Variants in UBP1 observed in about 807,000 individuals in gnomAD.
The protein encoded by UBP1 is upstream-binding protein 1.
In UBP1, 22 loss-of-function variants were observed where a neutral mutation model predicts 76.1. The ratio of observed to expected loss-of-function variants is 0.29; its 90% CI spans 0.21 to 0.41. The LOEUF (loss-of-function observed/expected upper bound fraction) is 0.41. UBP1 is among the 10% of genes least tolerant of loss of function. The pLI is 1.00. For missense variants in UBP1, 436 were observed against 668.1 expected (o/e 0.65, Z 3.83); for synonymous variants, 224 against 237.1 (o/e 0.94, Z 0.51).
Position 33,439,905 on chromosome 3 carries a change from C to A in UBP1, c.-57G>T. The A allele has an allele frequency of 6.3e-7, 1 of 1,594,662 alleles. No individual in the cohort carries two copies. The highest frequency in any genetic ancestry group is 1.1e-5 in the South Asian group (1 of 89,618). ...GGCCTCCGCGTCCAGGGCGAAGGAG[C>A]CGGAGCTCCGCTGGCGCGTCCTGGG... is the stretch of plus-strand genomic sequence containing the variant. On this transcript the variant is annotated 5_prime_UTR_variant, in exon 1 of 16. Transcript: ENST00000283629.
At chr3:33,396,601 T>C in intron 12 of UBP1, 4 of 404,974 alleles carry the variant, frequency 9.9e-6, no homozygotes, top group Middle Eastern at 4.5e-4. Flanking sequence ...ACCACAAGTA[T>C]AGAAAGAGCA....
At chr3:33,425,950 C>A (rs1159630887) in intron 1 of UBP1, among the ~76,000 whole-genome samples, 1 of 140,868 alleles carries the variant, frequency 7.1e-6, no homozygotes, top group African/African-American at 2.7e-5. Context: ...CATTAACAAC[C>A]CCTATCTCGG....
chr3:33,436,890 C>A (rs2045212719), intron 1 of UBP1, among the ~76,000 whole-genome samples: 1 of 152,150 alleles, frequency 6.6e-6, no homozygotes. Context: ...TCAGATAATG[C>A]ATTTACAGTA....
At chr3:33,431,721 C>G (rs531357425) in intron 1 of UBP1, among the ~76,000 whole-genome samples, 13 of 146,402 alleles carry the variant, frequency 8.9e-5, no homozygotes, top group African/African-American at 3.1e-4. Flanking sequence ...GCCTGGGCGA[C>G]AGAGTGAGAC....
In UBP1 at chr3:33,390,158, G is replaced by GTGACA; in HGVS notation, c.*168_*172dup. 1 of 643,506 alleles carries GTGACA rather than the reference G, an allele frequency of 1.6e-6. No individual in the cohort carries two copies. The highest frequency in any genetic ancestry group is 2.8e-5 in the East Asian group (1 of 35,986). 39.9% of individuals were successfully genotyped at this position (643,506 alleles called of 1,614,324 possible). A position where few individuals can be genotyped will look rare whatever the true frequency, so the allele number is the denominator to read the frequency against. ...CTCATGAGGATGCTTGGCTATGGCA[G>GTGACA]TGACAGTGAGGAGATTCACCTCTCA... On this transcript the variant is annotated 3_prime_UTR_variant, in exon 16 of 16. Transcript: ENST00000283629.
chr3:33,409,216 C>G lies in UBP1; in HGVS notation c.819+20G>C. On this transcript the variant is annotated intron_variant, in intron 7 of 15. Coordinates refer to ENST00000283629, the MANE Select transcript of UBP1 (RefSeq NM_014517.5). ...GCAACCTTTGCTTCTCTTCCAAAAC[C>G]AAATGCTTTACTACATTACCTCTGT... 6.2e-7 allele frequency: 1 copy of G among 1,610,846 alleles called. No homozygotes were observed. Among genetic ancestry groups the G allele is most frequent in the South Asian group, 1.1e-5 (1 of 90,654 alleles).
chr3:33,413,379 C>A (rs2044641254), intron 3 of UBP1, among the ~76,000 whole-genome samples: 1 of 151,230 alleles, frequency 6.6e-6, no homozygotes, highest in Admixed American at 6.6e-5. Context: ...AACCCCATCT[C>A]TACAAAAAAT....
Position 33,401,026 on chromosome 3 carries a change from A to G in UBP1, c.1032-10T>C, listed in dbSNP as rs112938927. ...TGGGGAAGAAGAATTGCTGGGGAGA[A>G]AGGAGAAAGAAGGAAATGATGATTT... On this transcript the variant is annotated splice_polypyrimidine_tract_variant and intron_variant, in intron 9 of 15. Coordinates refer to ENST00000283629, the MANE Select transcript of UBP1 (RefSeq NM_014517.5). 3 of 1,581,756 alleles carry G rather than the reference A, an allele frequency of 1.9e-6. No homozygotes were observed. In the Admixed American group the frequency reaches 5.7e-5, roughly 30 times the overall value.
chr3:33,391,049 C>G (rs909034902), intron 15 of UBP1: 1 of 152,282 alleles, frequency 6.6e-6, no homozygotes, highest in Non-Finnish European at 1.5e-5. Flanking sequence ...GTCAGTTATG[C>G]AAGGTAAAAA....
chr3:33,418,860 CAAAAAAAAAAA>C (rs59774815), intron 2 of UBP1, among the ~76,000 whole-genome samples: 1 of 76,768 alleles, frequency 1.3e-5, no homozygotes, highest in African/African-American at 5.0e-5. Flanking sequence ...ACTCTGTCTC[CAAAAAAAAAAA>C]AAAAAAAAAA....
At chr3:33,399,213 C>T (rs532510130) in intron 11 of UBP1, among the ~76,000 whole-genome samples, 1 of 152,178 alleles carries the variant, frequency 6.6e-6, no homozygotes, top group Non-Finnish European at 1.5e-5. Flanking sequence ...GATGTTTGGC[C>T]AGGCCATGTT....
At chr3:33,390,631 A>T in intron 15 of UBP1, 1 of 527,096 alleles carries the variant, frequency 1.9e-6, no homozygotes, top group South Asian at 2.2e-5. Flanking sequence ...TTCTGGGGGT[A>T]GGGGGACATC....
chr3:33,390,185 A>C lies in UBP1; in HGVS notation c.*146T>G. On this transcript the variant is annotated 3_prime_UTR_variant, in exon 16 of 16. Transcript: ENST00000283629. ...GACAGTGAGGAGATTCACCTCTCAT[A>C]CAGCTCATTAGAAAGGTCATCTTGT... The C allele has an allele frequency of 1.3e-6, 1 of 768,454 alleles. No individual in the cohort carries two copies. The highest frequency in any genetic ancestry group is 2.1e-6 in the Non-Finnish European group (1 of 471,458). The allele number at this position is 768,454 out of a possible 1,614,324, so 47.6% of individuals were successfully genotyped here.
intron 8 of UBP1, among the ~76,000 whole-genome samples, chr3:33,407,536 T>G (rs186958945): frequency 1.3e-5 from 2 of 148,388 alleles, no homozygotes; most frequent in Admixed American, 6.8e-5. Flanking sequence ...AATCTTTGAT[T>G]CGAATTTATT....
In UBP1 at chr3:33,405,648, G is replaced by A. The variant is rs558012713; in HGVS notation, c.928-2744C>T. ...TGGGGATCAGCCTGAGGAACACAGC[G>A]AGAACCTGTCTCAAGTGTCTTGGAT... is the stretch of plus-strand genomic sequence containing the variant. On this transcript the variant is annotated intron_variant, in intron 8 of 15. Coordinates refer to ENST00000283629, the MANE Select transcript of UBP1 (RefSeq NM_014517.5). 8.5e-5 allele frequency among the ~76,000 whole-genome samples: 13 copies of A among 152,244 alleles called. No individual in the cohort carries two copies. The East Asian group carries it at 1.5e-3, about 18-fold the overall frequency.
chr3:33,400,159 A>T, intron 11 of UBP1, 30 bp downstream of exon 11: 3 of 1,378,328 alleles, frequency 2.2e-6, no homozygotes, highest in Non-Finnish European at 2.9e-6. Context: ...AAACATTCTC[A>T]TGCACAGATA....
chr3:33,420,466 C>CAGGTG (rs2044858674), intron 2 of UBP1, among the ~76,000 whole-genome samples: 1 of 149,612 alleles, frequency 6.7e-6, no homozygotes, highest in Admixed American at 6.7e-5. Context: ...GCTGGAATGA[C>CAGGTG]AGGTGTGTGC....
chr3:33,428,807 CAAA>C (rs374441678), intron 1 of UBP1, among the ~76,000 whole-genome samples: 22 of 93,608 alleles, frequency 2.4e-4, no homozygotes, highest in Admixed American at 3.3e-4. Context: ...TCCTACGTCT[CAAA>C]AAAAAAAAAA....
rs1387720311 is a variant in UBP1 at position 33,437,411 on chromosome 3, ACCTG to A, written c.113+2321_113+2324del. ...GGTCTACAAGCATACCAAACATCAC[ACCTG>A]CCTAATTTTAAGTCAGACCACTGAC... On this transcript the variant is annotated intron_variant, in intron 1 of 15. Transcript: ENST00000283629. Among the ~76,000 whole-genome samples, 4 of 152,140 alleles carry A rather than the reference ACCTG, an allele frequency of 2.6e-5. No individual in the cohort carries two copies. The South Asian group carries it at 6.2e-4, about 24-fold the overall frequency.
Sources: gnomAD v4.1 joint callset for allele counts (sites outside exome capture counted in the v4.1 genomes callset) on GRCh38, gnomAD v4.1.1 for gene constraint, MANE v1.5 for transcripts, NCBI Gene and HGNC (gene_info 2026-07-23, HGNC 2026-07-21) for gene names.